The following MYRIP variants were observed in gnomAD, a reference collection of about 807,000 sequenced individuals.
The protein encoded by MYRIP is myosin VIIA and Rab interacting protein, also known as rab effector MyRIP.
Under a neutral mutation model 98.0 loss-of-function variants are expected in MYRIP, and 49 were observed. That is an observed-to-expected ratio of 0.50 (90% CI 0.40 to 0.63). The LOEUF is 0.63. Ranked by LOEUF, MYRIP falls within the 30% of genes least tolerant of loss-of-function variation. The pLI, the probability that MYRIP is intolerant of heterozygous loss-of-function variation, is 0.00. For missense variants in MYRIP, 1,004 were observed against 1,058.2 expected (o/e 0.95, Z 0.71); for synonymous variants, 404 against 409.5 (o/e 0.99, Z 0.16).
At chr3:40,144,149 A>G (rs754122404) in intron 3 of MYRIP, among the ~76,000 whole-genome samples, 1 of 152,238 alleles carries the variant, frequency 6.6e-6, no homozygotes, top group African/African-American at 2.4e-5. Context: ...GTTGGCTCAT[A>G]TAATGGTAAA....
At chr3:40,116,531 T>A (rs934721912) in intron 3 of MYRIP, among the ~76,000 whole-genome samples, 3 of 152,228 alleles carry the variant, frequency 2.0e-5, no homozygotes, top group Non-Finnish European at 4.4e-5. Flanking sequence ...CTTTCAACAC[T>A]TTATTTTCTC....
At chr3:39,845,467 G>A (rs1941935930) in intron 1 of MYRIP, among the ~76,000 whole-genome samples, 2 of 152,018 alleles carry the variant, frequency 1.3e-5, no homozygotes, top group African/African-American at 4.8e-5. Context: ...GAAAGCTATA[G>A]TTGGGGTACT....
At chr3:39,945,308 A>C (rs1340788477) in intron 2 of MYRIP, among the ~76,000 whole-genome samples, 3 of 76,802 alleles carry the variant, frequency 3.9e-5, no homozygotes, top group African/African-American at 2.0e-4. Context: ...CATCTCTACT[A>C]CAAAAAAAAA....
rs577553282 is a variant in MYRIP, at chr3:40,197,649, G to A, written c.1665+7186G>A. Among the ~76,000 whole-genome samples, 8 of 152,252 alleles carry A rather than the reference G, an allele frequency of 5.3e-5. No homozygotes were observed. In the East Asian group the frequency reaches 1.2e-3, roughly 22 times the overall value. On this transcript the variant is annotated intron_variant, in intron 10 of 16. Coordinates refer to ENST00000302541, the MANE Select transcript of MYRIP (RefSeq NM_015460.4). ...CTTATCCTGTAGTCTTTTAGTGTAA[G>A]TGCTGAACTCTTATAGCTTTTTACA...
At chr3:40,057,589 C>T (rs1947910314) in intron 3 of MYRIP, among the ~76,000 whole-genome samples, 2 of 152,268 alleles carry the variant, frequency 1.3e-5, no homozygotes, top group East Asian at 1.9e-4. Context: ...TCTCACAGAC[C>T]ACCCCTGTCC....
chr3:40,141,856 T>C (rs1217745862), intron 3 of MYRIP, among the ~76,000 whole-genome samples: 5 of 152,140 alleles, frequency 3.3e-5, no homozygotes, highest in Non-Finnish European at 7.4e-5. Context: ...AGCTTCGTGG[T>C]GTATTTTGAA....
At chr3:40,027,051 CTGCTAAA>C (rs2125813569) in intron 2 of MYRIP, among the ~76,000 whole-genome samples, 1 of 152,262 alleles carries the variant, frequency 6.6e-6, no homozygotes, top group Admixed American at 6.5e-5. Flanking sequence ...TTCCTCTGAG[CTGCTAAA>C]ACCCACATCC....
intron 1 of MYRIP, among the ~76,000 whole-genome samples, chr3:39,892,572 A>C (rs1943513608): frequency 6.6e-6 from 1 of 152,232 alleles, no homozygotes; most frequent in Non-Finnish European, 1.5e-5. Context: ...CTAGTGAGCA[A>C]ACAGACTGTT....
At chr3:40,021,280 GATAGAC>G (rs141913218) in intron 2 of MYRIP, among the ~76,000 whole-genome samples, 4,155 of 152,296 alleles carry the variant, frequency 0.027, 114 homozygotes, top group African/African-American at 0.071. Context: ...ATCAGCTGTA[GATAGAC>G]ATCAGAGGGG....
At chr3:39,997,306 AAGAG>A (rs1216618347) in intron 2 of MYRIP, among the ~76,000 whole-genome samples, 2 of 152,156 alleles carry the variant, frequency 1.3e-5, no homozygotes, top group Non-Finnish European at 2.9e-5. Flanking sequence ...TAAAGAAGAA[AAGAG>A]AGAAGAATCA....
At chr3:40,064,793 G>T (rs1575507813) in intron 3 of MYRIP, among the ~76,000 whole-genome samples, 2 of 152,168 alleles carry the variant, frequency 1.3e-5, no homozygotes, top group African/African-American at 4.8e-5. Flanking sequence ...GTGTTGAGTT[G>T]AGAAGAAAAT....
chr3:40,248,014 GGT>G (rs1953259116), intron 13 of MYRIP, among the ~76,000 whole-genome samples: 1 of 152,224 alleles, frequency 6.6e-6, no homozygotes, highest in Admixed American at 6.5e-5. Flanking sequence ...CAGGCTAACT[GGT>G]GCCAGAGAAT....
intron 9 of MYRIP, 130 bp from the exon 10 acceptor site, chr3:40,189,696 G>C: frequency 1.0e-6 from 1 of 988,514 alleles, no homozygotes; most frequent in Non-Finnish European, 1.5e-6. Flanking sequence ...TTGCCTTCCT[G>C]GGCTTCCTAA....
chr3:40,223,037 C>G (rs1322039531), intron 11 of MYRIP, among the ~76,000 whole-genome samples: 1 of 152,132 alleles, frequency 6.6e-6, no homozygotes, highest in Non-Finnish European at 1.5e-5. Context: ...AGAATGGAAA[C>G]TAACTCCATC....
At chr3:39,982,141 T>G (rs1025037456) in intron 2 of MYRIP, among the ~76,000 whole-genome samples, 5 of 152,176 alleles carry the variant, frequency 3.3e-5, no homozygotes, top group African/African-American at 1.2e-4. Flanking sequence ...CAGAGCAAAG[T>G]TAGAGTCCTA....
At chr3:40,222,177 A>G (rs1392091424) in intron 11 of MYRIP, among the ~76,000 whole-genome samples, 2 of 152,230 alleles carry the variant, frequency 1.3e-5, no homozygotes, top group East Asian at 3.8e-4. Context: ...GTGTGCCCAG[A>G]GCAGCAGCTC....
chr3:39,889,384 A>G (rs908015726), intron 1 of MYRIP, among the ~76,000 whole-genome samples: 28 of 152,210 alleles, frequency 1.8e-4, no homozygotes, highest in Non-Finnish European at 2.9e-4. Context: ...TTATAGGGAC[A>G]TGGATGAAAT....
At chr3:39,881,990 T>G (rs1261135090) in intron 1 of MYRIP, among the ~76,000 whole-genome samples, 1 of 152,118 alleles carries the variant, frequency 6.6e-6, no homozygotes, top group Non-Finnish European at 1.5e-5. Flanking sequence ...AGAGACAGCA[T>G]AGGAAATGAA....
chr3:40,106,886 C>A (rs1949058840), intron 3 of MYRIP, among the ~76,000 whole-genome samples: 1 of 151,746 alleles, frequency 6.6e-6, no homozygotes, highest in Admixed American at 6.6e-5. Flanking sequence ...TGCTTTCTGG[C>A]CTTTTTTTCA....
Sources: gnomAD v4.1 joint callset for allele counts (sites outside exome capture counted in the v4.1 genomes callset) on GRCh38, gnomAD v4.1.1 for gene constraint, MANE v1.5 for transcripts, NCBI Gene and HGNC (gene_info 2026-07-23, HGNC 2026-07-21) for gene names.